The following TJP2 variants were observed in gnomAD, a reference collection of about 807,000 sequenced individuals.
TJP2 encodes the protein tight junction protein 2, also known as Friedreich ataxia region gene X104 (tight junction protein ZO-2).
A neutral mutation model predicts 133.1 loss-of-function variants in TJP2; 91 were observed. That is an observed-to-expected ratio of 0.68 (90% confidence interval 0.58 to 0.81). TJP2 has a LOEUF of 0.81. Ranked by LOEUF, TJP2 falls within the 40% of genes least tolerant of loss-of-function variation. TJP2 has a pLI of 0.00. For synonymous variants in TJP2, 592 were observed against 583.4 expected (o/e 1.01, Z -0.21); for missense variants, 1,541 against 1,565.6 (o/e 0.98, Z 0.26).
intron 5 of TJP2, among the ~76,000 whole-genome samples, chr9:69,224,644 T>C (rs7869735): frequency 6.0e-4 from 91 of 152,226 alleles, no homozygotes; most frequent in African/African-American, 2.1e-3. Context: ...GCCCCTGCAC[T>C]CCAGCCTGGG....
chr9:69,132,561 G>A (rs1270452784), intron 1 of TJP2, among the ~76,000 whole-genome samples: 6 of 152,162 alleles, frequency 3.9e-5, no homozygotes, highest in African/African-American at 9.7e-5. Flanking sequence ...TGCACTACAC[G>A]GATAGAGAAG....
chr9:69,170,721 C>CT (rs1408898836), upstream of TJP2, among the ~76,000 whole-genome samples: 1 of 152,152 alleles, frequency 6.6e-6, no homozygotes, highest in Admixed American at 6.5e-5. Flanking sequence ...TTGTTCTTTC[C>CT]TTGGCTTTTT....
intron 1 of TJP2, among the ~76,000 whole-genome samples, chr9:69,141,908 A>G (rs1236980427): frequency 2.0e-5 from 3 of 152,224 alleles, no homozygotes; most frequent in Non-Finnish European, 4.4e-5. Flanking sequence ...ATTTAAAACA[A>G]GCCCTGTGTT....
chr9:69,237,607 A>T (rs977978639), intron 14 of TJP2, among the ~76,000 whole-genome samples: 2 of 37,540 alleles, frequency 5.3e-5, no homozygotes, highest in African/African-American at 1.9e-4. Context: ...GCTTGAGCCT[A>T]GGAGTTTGAG....
chr9:69,218,505 G>T, intron 4 of TJP2, 146 bp downstream of exon 4: 1 of 703,456 alleles, frequency 1.4e-6, no homozygotes. Flanking sequence ...TTGGAGGGGT[G>T]TGAAGATATG....
chr9:69,166,917 A>G (rs543504335), intron 2 of TJP2, among the ~76,000 whole-genome samples: 114 of 152,288 alleles, frequency 7.5e-4, no homozygotes, highest in Non-Finnish European at 1.4e-3. Context: ...AGCCTGGGCC[A>G]GAGTGAGACT....
Position 69,251,258 on chromosome 9 carries a change from A to G in TJP2, c.3215A>G (p.Asp1072Gly), listed in dbSNP as rs779433681. The G allele has an allele frequency of 4.3e-6, 7 of 1,614,106 alleles. No individual in the cohort carries two copies. The highest frequency in any genetic ancestry group is 3.3e-5 in the Admixed American group (2 of 60,008). ...EEVGESSEEQ[D>G]NAPKSVLGKV... Reference sequence around the variant, plus strand: ...GTGGGAGAGAGCAGTGAGGAGCAAGATAATGCTCCCAAATCAGTCCTGGGC... The same window carrying G: ...GTGGGAGAGAGCAGTGAGGAGCAAGGTAATGCTCCCAAATCAGTCCTGGGC... Residue 1072 changes from aspartate (D) to glycine (G), a missense_variant, in exon 21 of 23, where the codon GAT becomes GGT. Physicochemically the swap from Asp to Gly is moderately conservative, Grantham distance 94 (BLOSUM62 -1). Coordinates refer to ENST00000377245, the MANE Select transcript of TJP2 (RefSeq NM_004817.4).
chr9:69,221,038 G>A lies in TJP2; in HGVS notation c.494G>A (p.Gly165Glu), dbSNP rs746343689. Residue 165 changes from glycine to glutamate, a missense_variant, in exon 5 of 23, where the codon GGG (glycine) becomes GAG (glutamate). Coordinates refer to ENST00000377245, the MANE Select transcript of TJP2 (RefSeq NM_004817.4). ...YSERSRLNSH[G>E]GRSRSWEDSP... ...GAGAGGAGCCGGCTGAACAGCCATG[G>A]GGGGCGCAGCCGCAGCTGGGAGGAC... 3.1e-6 allele frequency: 5 copies of A among 1,607,972 alleles called. No homozygotes were observed. Among genetic ancestry groups the A allele is most frequent in the Non-Finnish European group, 4.2e-6 (5 of 1,177,852 alleles).
At chr9:69,136,843 T>C (rs1051668140) in intron 1 of TJP2, among the ~76,000 whole-genome samples, 3 of 152,182 alleles carry the variant, frequency 2.0e-5, no homozygotes, top group Admixed American at 2.0e-4. Context: ...CCTCTTGTCA[T>C]GAACTCCACA....
intron 2 of TJP2, among the ~76,000 whole-genome samples, chr9:69,167,060 C>T (rs1224149927): frequency 6.6e-6 from 1 of 151,784 alleles, no homozygotes; most frequent in Admixed American, 6.6e-5. Context: ...TGGTGAAACC[C>T]CGTCTCTACG....
intron 17 of TJP2, among the ~76,000 whole-genome samples, chr9:69,244,448 G>A (rs992308282): frequency 6.6e-6 from 1 of 152,138 alleles, no homozygotes; most frequent in African/African-American, 2.4e-5. Flanking sequence ...TGTCAGGGCT[G>A]GGCACACGTG....
intron 1 of TJP2, among the ~76,000 whole-genome samples, chr9:69,122,651 AT>A (rs1430913875): frequency 1.3e-4 from 20 of 152,338 alleles, no homozygotes; most frequent in African/African-American, 4.6e-4. Context: ...AATTCCAGGC[AT>A]TCTTCGAGCT....
intron 9 of TJP2, among the ~76,000 whole-genome samples, chr9:69,228,959 T>A (rs1007883127): frequency 6.6e-6 from 1 of 152,114 alleles, no homozygotes; most frequent in Non-Finnish European, 1.5e-5. Flanking sequence ...TGCATGTGAT[T>A]GTACACCTTG....
upstream of TJP2, among the ~76,000 whole-genome samples, chr9:69,172,599 T>C (rs552107807): frequency 4.6e-5 from 7 of 152,332 alleles, no homozygotes; most frequent in South Asian, 4.1e-4. Flanking sequence ...AACTGCCACA[T>C]TCTGGATTAT....
chr9:69,160,641 G>A (rs1010688059), intron 2 of TJP2, among the ~76,000 whole-genome samples: 1 of 152,222 alleles, frequency 6.6e-6, no homozygotes, highest in Admixed American at 6.5e-5. Context: ...AAAAGATGGT[G>A]TATTAGTCTA....
intron 1 of TJP2, among the ~76,000 whole-genome samples, chr9:69,140,484 G>C (rs1413377148): frequency 6.6e-6 from 1 of 152,136 alleles, no homozygotes; most frequent in Non-Finnish European, 1.5e-5. Context: ...GGTGCAGCGT[G>C]GGATCATGTG....
At chr9:69,234,998 A>G (rs566827448) in intron 12 of TJP2, among the ~76,000 whole-genome samples, 1 of 152,312 alleles carries the variant, frequency 6.6e-6, no homozygotes, top group Admixed American at 6.5e-5. Context: ...TTGATTGGCA[A>G]CTGTGTTAAT....
intron 3 of TJP2, among the ~76,000 whole-genome samples, chr9:69,217,052 G>A (rs1202737214): frequency 2.0e-5 from 3 of 147,768 alleles, no homozygotes; most frequent in Non-Finnish European, 4.4e-5. Flanking sequence ...GCAGTGGTGC[G>A]ATCTCAGCTC....
At chr9:69,155,687 G>C (rs554558415) in intron 2 of TJP2, among the ~76,000 whole-genome samples, 1 of 152,190 alleles carries the variant, frequency 6.6e-6, no homozygotes, top group African/African-American at 2.4e-5. Context: ...TGAGCATCTC[G>C]CACTGTGCTG....
Sources: allele counts gnomAD v4.1 joint callset (sites outside exome capture counted in the v4.1 genomes callset), GRCh38; gene constraint gnomAD v4.1.1; transcripts MANE v1.5; gene names NCBI Gene and HGNC (gene_info 2026-07-23, HGNC 2026-07-21).